RBM22: variants seen among roughly 807,000 people sequenced by gnomAD.
RBM22 encodes RNA binding motif protein 22.
Under a neutral mutation model 50.1 loss-of-function variants are expected in RBM22, and 1 was observed. The ratio of observed to expected loss-of-function variants is 0.02; its 90% CI spans 0.01 to 0.09. The LOEUF (loss-of-function observed/expected upper bound fraction) is 0.09, where lower values mean the gene tolerates loss of function less well. Ranked by LOEUF, RBM22 falls within the 10% of genes least tolerant of loss-of-function variation. The pLI, the probability that RBM22 is intolerant of heterozygous loss-of-function variation, is 1.00. For synonymous variants in RBM22, 152 were observed against 179.0 expected (o/e 0.85, Z 1.20); for missense variants, 264 against 529.3 (o/e 0.50, Z 4.92).
At position 150,700,988 on chromosome 5, in the gene RBM22, T is replaced by A. The variant is rs1244609901; in HGVS notation, c.-3A>T. 2.5e-6 allele frequency: 4 copies of A among 1,614,192 alleles called. No homozygotes were observed. The highest frequency in any genetic ancestry group is 3.4e-6 in the Non-Finnish European group (4 of 1,180,010). On this transcript the variant is annotated 5_prime_UTR_variant, in exon 1 of 11. Coordinates refer to ENST00000199814, the MANE Select transcript of RBM22 (RefSeq NM_018047.3). ...TTGGAACCCAGAGAGGTCGCCATCT[T>A]GAGAGCGTCCGGAGGTAGCTGTAGC...
chr5:150,695,444 G>T, intron 7 of RBM22, 62 bp downstream of exon 7: 2 of 1,322,782 alleles, frequency 1.5e-6, no homozygotes, highest in Non-Finnish European at 2.1e-6. Context: ...TGCAGTTTTT[G>T]CAAATAAATT....
In RBM22 at chr5:150,696,431, G is replaced by A. The variant is rs1003190554; in HGVS notation, c.545+102C>T. 1 of 1,273,244 alleles carries A rather than the reference G, an allele frequency of 7.9e-7. No homozygotes were observed. The highest frequency in any genetic ancestry group is 1.1e-6 in the Non-Finnish European group (1 of 914,772). The allele number at this position is 1,273,244 out of a possible 1,614,324, so 78.9% of individuals were successfully genotyped here. A position where few individuals can be genotyped will look rare whatever the true frequency, so the allele number is the denominator to read the frequency against. On this transcript the variant is annotated intron_variant, in intron 6 of 10. Transcript: ENST00000199814. This position sits in a 1 kb window ranked among gnomAD's most constrained non-coding sequence, Gnocchi z 4.3. Reference sequence around the variant, plus strand: ...ATGAGGTATACCACATTAGTTGTATGACCTTTAGATTTTAAAGCAGAAACA... The same window carrying A: ...ATGAGGTATACCACATTAGTTGTATAACCTTTAGATTTTAAAGCAGAAACA...
intron 4 of RBM22, chr5:150,697,731 TC>T: frequency 2.8e-6 from 1 of 362,164 alleles, no homozygotes. Context: ...CATATATTTT[TC>T]CCTTTCCTTT....
intron 2 of RBM22, 113 bp downstream of exon 2, chr5:150,700,331 C>T: frequency 9.4e-7 from 1 of 1,062,384 alleles, no homozygotes; most frequent in Non-Finnish European, 1.4e-6. Context: ...CAGCACTTCG[C>T]GTTAGTAAAA....
chr5:150,692,805 G>GGATTTGGATGTGTTGAACATGATGGT (rs1759225362), intron 10 of RBM22, 90 bp downstream of exon 10: 1 of 1,363,798 alleles, frequency 7.3e-7, no homozygotes, highest in Non-Finnish European at 1.0e-6. Flanking sequence ...CAAACTCACA[G>GGATTTGGATGTGTTGAACATGATGGT]GATTTGGATG....
At chr5:150,700,815 C>G in intron 1 of RBM22, 117 bp downstream of exon 1, 2 of 1,600,438 alleles carry the variant, frequency 1.2e-6, no homozygotes, top group Non-Finnish European at 1.7e-6. Context: ...CAAGCTAGGC[C>G]GCCGCGCTGG....
At chr5:150,693,368 CT>C in intron 8 of RBM22, 61 bp from the exon 9 acceptor site, 1 of 1,324,444 alleles carries the variant, frequency 7.6e-7, no homozygotes. Context: ...ACCTCTGCTT[CT>C]TACATTCCCC....
chr5:150,700,108 G>T (rs1026706767), intron 2 of RBM22, among the ~76,000 whole-genome samples: 1 of 152,228 alleles, frequency 6.6e-6, no homozygotes, highest in Non-Finnish European at 1.5e-5. Context: ...CTCCTATCAT[G>T]CTGACATTCC....
intron 1 of RBM22, 131 bp from the exon 2 acceptor site, chr5:150,700,628 C>T (rs763021974): frequency 1.3e-6 from 2 of 1,542,134 alleles, no homozygotes; most frequent in East Asian, 2.4e-5. Context: ...AAGTCCATCA[C>T]GACCCGATCG....
At chr5:150,700,297 CAT>C (rs1312220880) in intron 2 of RBM22, 145 bp downstream of exon 2, 1 of 722,042 alleles carries the variant, frequency 1.4e-6, no homozygotes, top group Non-Finnish European at 2.3e-6. Flanking sequence ...AGAGAATACA[CAT>C]GACAGTTCTT....
intron 9 of RBM22, 90 bp downstream of exon 9, chr5:150,693,129 G>T (rs759338809): frequency 3.9e-6 from 6 of 1,544,180 alleles, no homozygotes; most frequent in Non-Finnish European, 5.3e-6. Flanking sequence ...GAGTAGAGCG[G>T]CAACATGAAC....
chr5:150,699,368 G>A, intron 2 of RBM22, 97 bp from the exon 3 acceptor site: 2 of 1,429,304 alleles, frequency 1.4e-6, no homozygotes, highest in Non-Finnish European at 1.9e-6. Context: ...AATGTGTCTG[G>A]AAATCCCTGG....
chr5:150,697,798 T>TAA, intron 4 of RBM22: 11 of 279,892 alleles, frequency 3.9e-5, no homozygotes, highest in South Asian at 5.9e-5. Context: ...CACCTATGGT[T>TAA]AAAAAAAAAA....
In RBM22 at chr5:150,696,928, T is replaced by C; in HGVS notation, c.272-37A>G. On this transcript the variant is annotated intron_variant, in intron 4 of 10. Transcript: ENST00000199814. The surrounding 1 kb of genome is among the most constrained non-coding windows in gnomAD (Gnocchi z 4.3). ...AAAGAGGAAAAAGACCTCAGATGTATTTTAAAACATATCCATACTAACCAT... is the reference window on the plus strand; with the variant it reads ...AAAGAGGAAAAAGACCTCAGATGTACTTTAAAACATATCCATACTAACCAT... 1 of 1,575,582 alleles carries C rather than the reference T, an allele frequency of 6.3e-7. No individual in the cohort carries two copies. Among genetic ancestry groups the C allele is most frequent in the South Asian group, 1.1e-5 (1 of 89,982 alleles).
intron 2 of RBM22, among the ~76,000 whole-genome samples, chr5:150,700,138 C>T (rs952460337): frequency 2.6e-5 from 4 of 152,198 alleles, no homozygotes; most frequent in African/African-American, 4.8e-5. Flanking sequence ...AATATGTGAA[C>T]TTAAATCCCA....
At chr5:150,698,395 G>A (rs1759304082) in intron 4 of RBM22, 104 bp downstream of exon 4, 2 of 1,413,554 alleles carry the variant, frequency 1.4e-6, no homozygotes, top group Admixed American at 2.0e-5. Context: ...ACATTCCAAA[G>A]TGAAATCAGA....
In RBM22 at chr5:150,696,349, A is replaced by G. The variant is rs1219354132; in HGVS notation, c.545+184T>C. 6.6e-6 allele frequency among the ~76,000 whole-genome samples: 1 copy of G among 152,206 alleles called. No homozygotes were observed. The highest frequency in any genetic ancestry group is 2.4e-5 in the African/African-American group (1 of 41,444). ...ATAGCAATTTAGTTTCCAAGGCTCA[A>G]TTGTAAGTAAAAACTACAATTTATT... is the stretch of plus-strand genomic sequence containing the variant. On this transcript the variant is annotated intron_variant, in intron 6 of 10. Coordinates refer to ENST00000199814, the MANE Select transcript of RBM22 (RefSeq NM_018047.3). This position sits in a 1 kb window ranked among gnomAD's most constrained non-coding sequence, Gnocchi z 4.3.
At chr5:150,699,424 C>T (rs1314842018) in intron 2 of RBM22, among the ~76,000 whole-genome samples, 153 bp from the exon 3 acceptor site, 1 of 152,194 alleles carries the variant, frequency 6.6e-6, no homozygotes, top group Non-Finnish European at 1.5e-5. Flanking sequence ...CAAAACCCAA[C>T]CTTTTTTGGG....
intron 8 of RBM22, 125 bp downstream of exon 8, chr5:150,693,951 G>C: frequency 8.0e-7 from 1 of 1,246,446 alleles, no homozygotes; most frequent in Non-Finnish European, 1.1e-6. Flanking sequence ...AGTGATCTTT[G>C]AAAGATCTCT....
Sources: allele counts gnomAD v4.1 joint callset (sites outside exome capture counted in the v4.1 genomes callset), GRCh38; gene constraint gnomAD v4.1.1; non-coding constraint Gnocchi (gnomAD v3.1); transcripts MANE v1.5; gene names NCBI Gene and HGNC (gene_info 2026-07-23, HGNC 2026-07-21).